SNX22: variants seen among roughly 807,000 people sequenced by gnomAD.
SNX22 encodes the protein sorting nexin-22.
SNX22 carries 23 observed loss-of-function variants against 24.7 expected under a neutral mutation model. The ratio of observed to expected loss-of-function variants is 0.93; its 90% CI spans 0.67 to 1.32. SNX22 has a LOEUF of 1.32. Among genes scored for constraint, SNX22 ranks in the 40% most tolerant of loss-of-function variants. The pLI, the probability that SNX22 is intolerant of heterozygous loss-of-function variation, is 0.00. For synonymous variants in SNX22, 99 were observed against 104.0 expected, an observed-to-expected ratio of 0.95 and a Z score of 0.29; for missense variants, 261 against 249.9, an observed-to-expected ratio of 1.04 and a Z score of -0.30.
chr15:64,152,541 C>T (rs1417874726), intron 2 of SNX22, 97 bp from the exon 3 acceptor site: 17 of 1,333,896 alleles, frequency 1.3e-5, no homozygotes, highest in Non-Finnish European at 1.8e-5. Flanking sequence ...CCCAGTAGAG[C>T]CCGAAGGCGG....
chr15:64,152,643 G>C lies in SNX22; in HGVS notation c.165G>C (p.Lys55Asn), dbSNP rs1243606248. ...SEFHALHKRI[K>N]KLYKVPDFPS... Reference sequence around the variant, plus strand: ...ACGCGGTAAACCTCCAGTAGATCAAGAAGCTGTACAAAGTGCCCGACTTCC... The same window carrying C: ...ACGCGGTAAACCTCCAGTAGATCAACAAGCTGTACAAAGTGCCCGACTTCC... The change falls in exon 3 of 7, where the codon AAG becomes AAC. Residue 55 changes from lysine to asparagine, a missense_variant. Transcript: ENST00000325881. The C allele has an allele frequency of 1.2e-6, 2 of 1,614,050 alleles. No homozygotes were observed. Among genetic ancestry groups the C allele is most frequent in the African/African-American group, 1.3e-5 (1 of 74,942 alleles).
In SNX22 at chr15:64,153,648, T is replaced by TCAG. The variant is rs1335493635; in HGVS notation, c.360-1_361dup. ...GCAGCTTACAGTGTTTCTCTTCTCT[T>TCAG]CAGCACCCTGAGGGAGTTCCTGCCT... On this transcript the variant is annotated splice_region_variant and splice_polypyrimidine_tract_variant and intron_variant, in intron 4 of 6. Transcript: ENST00000325881. 6.2e-7 allele frequency: 1 copy of TCAG among 1,614,062 alleles called. No individual in the cohort carries two copies. Among genetic ancestry groups the TCAG allele is most frequent in the South Asian group, 1.1e-5 (1 of 91,080 alleles).
At position 64,151,788 on chromosome 15, in the gene SNX22, C is replaced by A; in HGVS notation, c.13C>A (p.His5Asn). Reference sequence around the variant, plus strand: ...GGCCGGGGCGCGGATGCTGGAAGTTCACATCCCGTCGGTGGGGCCCGAGGC... The same window carrying A: ...GGCCGGGGCGCGGATGCTGGAAGTTAACATCCCGTCGGTGGGGCCCGAGGC... Reference protein sequence around the residue: MLEVHIPSVGPEAEG... With the variant: MLEVNIPSVGPEAEG... Residue 5 changes from histidine to asparagine, a missense_variant, in exon 1 of 7, where the codon CAC becomes AAC. By Grantham distance (68) the His-to-Asn change is moderately conservative. Coordinates refer to ENST00000325881, the MANE Select transcript of SNX22 (RefSeq NM_024798.3). The A allele has an allele frequency of 6.5e-7, 1 of 1,537,374 alleles. No individual in the cohort carries two copies. Among genetic ancestry groups the A allele is most frequent in the East Asian group, 2.5e-5 (1 of 39,832 alleles).
chr15:64,152,923 G>A (rs2081497796), intron 3 of SNX22, 181 bp downstream of exon 3: 1 of 624,194 alleles, frequency 1.6e-6, no homozygotes, highest in Non-Finnish European at 2.8e-6. Flanking sequence ...TTGTTGAAAG[G>A]ACTGAAAGAG....
chr15:64,154,296 G>A (rs559138251), intron 6 of SNX22, 91 bp from the exon 7 acceptor site: 4 of 1,588,130 alleles, frequency 2.5e-6, no homozygotes, highest in Non-Finnish European at 2.6e-6. Flanking sequence ...CCTTGGCAGG[G>A]GCTCCTACTC....
Position 64,153,909 on chromosome 15 carries a change from T to G in SNX22, c.393-26T>G, listed in dbSNP as rs777273726. The G allele has an allele frequency of 2.5e-6, 4 of 1,604,586 alleles. No homozygotes were observed. The South Asian group carries it at 4.4e-5, about 18-fold the overall frequency. ...GATTCTGCCCTGCCTCCCGCACCCA[T>G]GGTTCATGACCCTGTTTCCTCCCAG... On this transcript the variant is annotated intron_variant, in intron 5 of 6. Coordinates refer to ENST00000325881, the MANE Select transcript of SNX22 (RefSeq NM_024798.3).
chr15:64,153,226 TCTC>T lies in SNX22; in HGVS notation c.265-15_265-13del, dbSNP rs567591473. On this transcript the variant is annotated splice_polypyrimidine_tract_variant and intron_variant, in intron 3 of 6. Transcript: ENST00000325881. ...ATTAGTAGCTGGGTCTGATTGCAGGTCTCCTCTGTCCTCTCCAGGGCATCCTGT... is the reference window on the plus strand; with the variant it reads ...ATTAGTAGCTGGGTCTGATTGCAGGTCTCTGTCCTCTCCAGGGCATCCTGT... The T allele has an allele frequency of 3.2e-4, 519 of 1,613,692 alleles. 2 individuals carry two copies. The African/African-American group carries it at 5.8e-3, about 18-fold the overall frequency.
intron 1 of SNX22, 38 bp from the exon 2 acceptor site, chr15:64,152,193 TCCTCCCGCGGGG>T (rs1049628555): frequency 7.5e-5 from 102 of 1,354,258 alleles, no homozygotes; most frequent in Non-Finnish European, 9.5e-5. Context: ...TGCTGCGGCG[TCCTCCCGCGGGG>T]CCTCACGCGC....
chr15:64,155,936 C>T lies in SNX22; in HGVS notation c.*1428C>T, dbSNP rs572025913. On this transcript the variant is annotated 3_prime_UTR_variant, in exon 7 of 7. Transcript: ENST00000325881. Reference sequence around the variant, plus strand: ...GGAGTGGGTCCGCTCCACCAGATGCCAGCACCGGGGCCAGTGCAGCTCAGA... The same window carrying T: ...GGAGTGGGTCCGCTCCACCAGATGCTAGCACCGGGGCCAGTGCAGCTCAGA... 6 of 1,603,698 alleles carry T rather than the reference C, an allele frequency of 3.7e-6. No individual in the cohort carries two copies. In the East Asian group the frequency reaches 1.1e-4, roughly 30 times the overall value.
Position 64,156,273 on chromosome 15 carries a change from G to T in SNX22, c.*1765G>T. 1 of 1,239,280 alleles carries T rather than the reference G, an allele frequency of 8.1e-7. No homozygotes were observed. The highest frequency in any genetic ancestry group is 1.2e-6 in the Non-Finnish European group (1 of 867,030). The allele number at this position is 1,239,280 out of a possible 1,614,324, so 76.8% of individuals were successfully genotyped here. ...TGATCAACAGCACACAAAACTGGAG[G>T]CACCAAAATTCTAACAGACTCCTGG... On this transcript the variant is annotated 3_prime_UTR_variant, in exon 7 of 7. Coordinates refer to ENST00000325881, the MANE Select transcript of SNX22 (RefSeq NM_024798.3). The surrounding 1 kb of genome is among the most constrained non-coding windows in gnomAD (Gnocchi z 6.4).
chr15:64,152,109 C>A, intron 1 of SNX22, 134 bp from the exon 2 acceptor site: 1 of 956,120 alleles, frequency 1.0e-6, no homozygotes, highest in Non-Finnish European at 1.4e-6. Flanking sequence ...CGGAGAGTCC[C>A]CGGGCAGCCG....
At position 64,153,230 on chromosome 15, in the gene SNX22, C is replaced by T. The variant is rs571287443; in HGVS notation, c.265-15C>T. ...GTAGCTGGGTCTGATTGCAGGTCTC[C>T]TCTGTCCTCTCCAGGGCATCCTGTA... On this transcript the variant is annotated splice_polypyrimidine_tract_variant and intron_variant, in intron 3 of 6. Transcript: ENST00000325881. The T allele has an allele frequency of 1.7e-4, 282 of 1,613,592 alleles. 4 individuals carry two copies. The Admixed American group carries it at 4.5e-3, about 26-fold the overall frequency.
intron 3 of SNX22, 196 bp downstream of exon 3, chr15:64,152,938 C>T (rs903038643): frequency 4.9e-6 from 3 of 613,930 alleles, no homozygotes; most frequent in Non-Finnish European, 5.7e-6. Flanking sequence ...AAAGAGGTAA[C>T]GGACACAGGT....
chr15:64,153,347 G>A lies in SNX22; in HGVS notation c.359+8G>A. On this transcript the variant is annotated splice_region_variant and intron_variant, in intron 4 of 6. Transcript: ENST00000325881. ...CAAGGCTAGCAACTGGGGGTAAGGGGGGCCGATGGCGGGGGCCAGGGGCTG... is the reference window on the plus strand; with the variant it reads ...CAAGGCTAGCAACTGGGGGTAAGGGAGGCCGATGGCGGGGGCCAGGGGCTG... The A allele has an allele frequency of 6.2e-7, 1 of 1,613,494 alleles. No homozygotes were observed. The highest frequency in any genetic ancestry group is 2.2e-5 in the East Asian group (1 of 44,876).
At position 64,151,774 on chromosome 15, in the gene SNX22, G is replaced by C. The variant is rs539339389; in HGVS notation, c.-2G>C. 29 of 1,534,822 alleles carry C rather than the reference G, an allele frequency of 1.9e-5. No homozygotes were observed. Among genetic ancestry groups the C allele is most frequent in the South Asian group, 1.7e-4 (14 of 82,262 alleles). ...CGCGGAGCAGCTGGGGCCGGGGCGC[G>C]GATGCTGGAAGTTCACATCCCGTCG... On this transcript the variant is annotated 5_prime_UTR_variant, in exon 1 of 7. Coordinates refer to ENST00000325881, the MANE Select transcript of SNX22 (RefSeq NM_024798.3).
At chr15:64,151,890 G>C in intron 1 of SNX22, 40 bp downstream of exon 1, 2 of 1,505,114 alleles carry the variant, frequency 1.3e-6, no homozygotes, top group Non-Finnish European at 1.8e-6. Flanking sequence ...GCCGGGACCC[G>C]CAGGATTTCC....
Position 64,151,820 on chromosome 15 carries a change from G to A in SNX22, c.45G>A (p.Gly15=), listed in dbSNP as rs1214534138. The A allele has an allele frequency of 1.9e-6, 3 of 1,538,516 alleles. No homozygotes were observed. Among genetic ancestry groups the A allele is most frequent in the South Asian group, 2.4e-5 (2 of 82,568 alleles). Residue 15 remains glycine, a synonymous_variant, in exon 1 of 7, where the codon GGG becomes GGA. Coordinates refer to ENST00000325881, the MANE Select transcript of SNX22 (RefSeq NM_024798.3). ...CGTCGGTGGGGCCCGAGGCCGAGGG[G>A]CCCAGGCAGAGCCCGGAGAAAAGCC... is the stretch of plus-strand genomic sequence containing the variant. The part of the protein sequence containing the change: ...HIPSVGPEAE[G]PRQSPEKSHM...
In SNX22 at chr15:64,156,755, A is replaced by C; in HGVS notation, c.*2247A>C. 1 of 1,614,108 alleles carries C rather than the reference A, an allele frequency of 6.2e-7. No individual in the cohort carries two copies. Among genetic ancestry groups the C allele is most frequent in the South Asian group, 1.1e-5 (1 of 91,076 alleles). On this transcript the variant is annotated 3_prime_UTR_variant, in exon 7 of 7. Transcript: ENST00000325881. This position sits in a 1 kb window ranked among gnomAD's most constrained non-coding sequence, Gnocchi z 6.4. Reference sequence around the variant, plus strand: ...CCTCTAGAACTTTGCCAAACACCACATGCTTGCCATCTAGCCAGGCTGTCT... The same window carrying C: ...CCTCTAGAACTTTGCCAAACACCACCTGCTTGCCATCTAGCCAGGCTGTCT...
chr15:64,154,552 C>T lies in SNX22; in HGVS notation c.*44C>T. ...GCTGCCTCCTAAGAAAGTCATGTGC[C>T]TCTGTCCTATGAACTCCATATAAGG... On this transcript the variant is annotated 3_prime_UTR_variant, in exon 7 of 7. Coordinates refer to ENST00000325881, the MANE Select transcript of SNX22 (RefSeq NM_024798.3). The T allele has an allele frequency of 1.9e-6, 3 of 1,610,016 alleles. No individual in the cohort carries two copies. Among genetic ancestry groups the T allele is most frequent in the Middle Eastern group, 1.7e-4 (1 of 6,040 alleles).
Sources: allele counts gnomAD v4.1 joint callset, GRCh38; gene constraint gnomAD v4.1.1; non-coding constraint Gnocchi (gnomAD v3.1); transcripts MANE v1.5; gene names NCBI Gene and HGNC (gene_info 2026-07-23, HGNC 2026-07-21).